C8orf74: variants seen among roughly 807,000 people sequenced by gnomAD.
C8orf74 encodes the protein chromosome 8 open reading frame 74.
Under a neutral mutation model 22.2 loss-of-function variants are expected in C8orf74, and 29 were observed. That is an observed-to-expected ratio of 1.31 (90% CI 0.97 to 1.78). The LOEUF (loss-of-function observed/expected upper bound fraction) is 1.78. Among genes scored for constraint, C8orf74 ranks in the 40% most tolerant of loss-of-function variants. The probability of loss-of-function intolerance (pLI) is 0.00; values close to 1 mark genes in which losing one functional copy is unlikely to be tolerated. For synonymous variants in C8orf74, 255 were observed against 163.1 expected (o/e 1.56, Z -4.30); for missense variants, 515 against 369.9 (o/e 1.39, Z -3.22).
intron 2 of C8orf74, among the ~76,000 whole-genome samples, chr8:10,677,242 C>T (rs561504797): frequency 6.6e-6 from 1 of 152,334 alleles, no homozygotes; most frequent in South Asian, 2.1e-4. Flanking sequence ...ATCTAGCCTA[C>T]AGCTGCCTTC....
chr8:10,697,617 C>G lies in C8orf74; in HGVS notation c.260C>G (p.Ala87Gly), dbSNP rs1430941633. 1 of 1,613,770 alleles carries G rather than the reference C, an allele frequency of 6.2e-7. No individual in the cohort carries two copies. The highest frequency in any genetic ancestry group is 1.7e-5 in the Admixed American group (1 of 60,022). ...CCTACAGGCTGCTCCATTACTGAGG[C>G]TGTGACGATCCTGGGGAACAAGCTT... is the stretch of plus-strand genomic sequence containing the variant. ...RETKGCSITE[A>G]VTILGNKLRD... The change falls in exon 3 of 4, where the codon GCT (alanine) becomes GGT (glycine). Residue 87 changes from alanine to glycine, a missense_variant. Ala to Gly is a moderately conservative substitution (Grantham distance 60). Transcript: ENST00000304519.
chr8:10,694,204 G>C (rs900876949), intron 2 of C8orf74, among the ~76,000 whole-genome samples: 1 of 152,102 alleles, frequency 6.6e-6, no homozygotes, highest in Non-Finnish European at 1.5e-5. Flanking sequence ...GAGAGCAGGG[G>C]ATATGACTTA....
chr8:10,688,703 T>A (rs1257741441), intron 2 of C8orf74: 1 of 152,320 alleles, frequency 6.6e-6, no homozygotes, highest in Admixed American at 6.5e-5. Flanking sequence ...GGGCCCATCC[T>A]GATGAGGTCA....
Position 10,700,377 on chromosome 8 carries a change from C to CCAA in C8orf74, c.791_792insCAA (p.Pro264_Ile265insAsn). ...ACTCTGAACCTCAACGCCCCCACCC[C>CCAA]TATCCCGCCCCCCATCACCAGCCAC... On this transcript the variant is annotated inframe_insertion, in exon 4 of 4. Transcript: ENST00000304519. 1 of 1,605,664 alleles carries CCAA rather than the reference C, an allele frequency of 6.2e-7. No individual in the cohort carries two copies. The highest frequency in any genetic ancestry group is 8.5e-7 in the Non-Finnish European group (1 of 1,172,556).
At chr8:10,694,710 T>C (rs1045896178) in intron 2 of C8orf74, among the ~76,000 whole-genome samples, 21 of 152,248 alleles carry the variant, frequency 1.4e-4, no homozygotes, top group Non-Finnish European at 2.5e-4. Context: ...TTAATTTTTT[T>C]CTTTTGGCAT....
At position 10,672,686 on chromosome 8, in the gene C8orf74, G is replaced by T; in HGVS notation, c.21G>T (p.Gln7His). 1 of 1,565,928 alleles carries T rather than the reference G, an allele frequency of 6.4e-7. No individual in the cohort carries two copies. The highest frequency in any genetic ancestry group is 2.4e-5 in the East Asian group (1 of 42,080). Residue 7 changes from glutamine to histidine, a missense_variant, in exon 1 of 4, where the codon CAG becomes CAT. Physicochemically the swap from Gln to His is conservative, Grantham distance 24. Transcript: ENST00000304519. ...GGGCCATGGCACTCTTAACACCCCA[G>T]GGAGTGAAAGAAGTCTTCCAACTTC... MALLTP[Q>H]GVKEVFQLQR...
At chr8:10,698,111 G>C (rs1308513640) in intron 3 of C8orf74, 106 bp downstream of exon 3, 1 of 1,130,504 alleles carries the variant, frequency 8.8e-7, no homozygotes, top group South Asian at 1.8e-5. Flanking sequence ...CACAGGGGAG[G>C]GGGAGAGATG....
chr8:10,696,353 A>T (rs372427574), intron 2 of C8orf74, among the ~76,000 whole-genome samples: 1 of 151,760 alleles, frequency 6.6e-6, no homozygotes, highest in African/African-American at 2.4e-5. Context: ...CAACTCTGCA[A>T]CATGAGCCAC....
chr8:10,695,034 G>A (rs570614339), intron 2 of C8orf74, among the ~76,000 whole-genome samples: 2 of 151,938 alleles, frequency 1.3e-5, no homozygotes, highest in African/African-American at 4.8e-5. Flanking sequence ...TGAAAGAATG[G>A]ATGAATGGAA....
chr8:10,685,347 G>T (rs987024700), intron 2 of C8orf74, among the ~76,000 whole-genome samples: 1 of 152,190 alleles, frequency 6.6e-6, no homozygotes, highest in Non-Finnish European at 1.5e-5. Context: ...GTACATCCAT[G>T]CTCATAGAAG....
At position 10,674,789 on chromosome 8, in the gene C8orf74, G is replaced by A; in HGVS notation, c.192G>A (p.Glu64=). Residue 64 remains glutamate (E), a synonymous_variant, in exon 2 of 4, where the codon GAG becomes GAA. Transcript: ENST00000304519. ...TGGGCAAAGGCTTCCCATGGGTGGA[G>A]GTGGCCCAGGTGGTCAAGTTCACAG... ...FAVGKGFPWV[E]VAQVVKFTEE... is the part of the protein sequence containing the mutation. 1 of 1,606,048 alleles carries A rather than the reference G, an allele frequency of 6.2e-7. No homozygotes were observed. The highest frequency in any genetic ancestry group is 8.5e-7 in the Non-Finnish European group (1 of 1,176,372).
chr8:10,683,833 G>A (rs1237960259), intron 2 of C8orf74, among the ~76,000 whole-genome samples: 10 of 152,170 alleles, frequency 6.6e-5, no homozygotes, highest in Admixed American at 5.9e-4. Flanking sequence ...CCTCACTTCT[G>A]GAGAGAAGAC....
In C8orf74 at chr8:10,697,370, G is replaced by GGCTGCAGCGA. The variant is rs199856765; in HGVS notation, c.242-220_242-211dup. Among the ~76,000 whole-genome samples, 702 of 152,196 alleles carry GGCTGCAGCGA rather than the reference G, an allele frequency of 4.6e-3. 21 individuals carry two copies. The East Asian group carries it at 0.073, about 16-fold the overall frequency. ...GGATTTCTTGAGCCTGGAAGTTGGC[G>GGCTGCAGCGA]GCTGCAGCGAGCTGCAGCTGCAGTG... On this transcript the variant is annotated intron_variant, in intron 2 of 3. Transcript: ENST00000304519.
chr8:10,679,949 G>C (rs1799113383), intron 2 of C8orf74: 1 of 153,206 alleles, frequency 6.5e-6, no homozygotes. Context: ...CTGGCCTGGA[G>C]AGGCTGGAGC....
chr8:10,698,791 T>C (rs1274326699), intron 3 of C8orf74, among the ~76,000 whole-genome samples: 1 of 152,074 alleles, frequency 6.6e-6, no homozygotes, highest in East Asian at 1.9e-4. Context: ...GTTTCAGGCA[T>C]TGGAGTGGGG....
chr8:10,694,487 G>A (rs1799447677), intron 2 of C8orf74, among the ~76,000 whole-genome samples: 1 of 152,182 alleles, frequency 6.6e-6, no homozygotes, highest in African/African-American at 2.4e-5. Flanking sequence ...GGAGGGGAAA[G>A]AAGGAGGGTA....
intron 2 of C8orf74, among the ~76,000 whole-genome samples, chr8:10,690,564 C>T (rs1368746577): frequency 3.3e-5 from 5 of 152,158 alleles, no homozygotes; most frequent in African/African-American, 1.2e-4. Context: ...TTGGTTCCTG[C>T]CCCTGGGAGG....
chr8:10,683,966 G>T (rs538035953), intron 2 of C8orf74, among the ~76,000 whole-genome samples: 1 of 152,312 alleles, frequency 6.6e-6, no homozygotes, highest in Non-Finnish European at 1.5e-5. Flanking sequence ...CAAGCCCAGA[G>T]TGAGCCCAAA....
chr8:10,686,478 T>A (rs1799264794), intron 2 of C8orf74: 2 of 152,402 alleles, frequency 1.3e-5, no homozygotes, highest in Non-Finnish European at 2.9e-5. Flanking sequence ...AGCAACCACA[T>A]GTCCAGAGCT....
Sources: gnomAD v4.1 joint callset for allele counts (sites outside exome capture counted in the v4.1 genomes callset) on GRCh38, gnomAD v4.1.1 for gene constraint, MANE v1.5 for transcripts, NCBI Gene and HGNC (gene_info 2026-07-23, HGNC 2026-07-21) for gene names.